TMBIM6: variants seen among roughly 807,000 people sequenced by gnomAD.
TMBIM6 encodes the protein transmembrane BAX inhibitor motif containing 6, also known as bax inhibitor 1.
A neutral mutation model predicts 31.4 loss-of-function variants in TMBIM6; 13 were observed. The observed-to-expected ratio is 0.41, with a 90% CI of 0.27 to 0.66. The LOEUF is 0.66. Ranked by LOEUF, TMBIM6 falls within the 30% of genes least tolerant of loss-of-function variation. The probability of loss-of-function intolerance (pLI) is 0.28; values close to 1 mark genes in which losing one functional copy is unlikely to be tolerated. For synonymous variants in TMBIM6, 85 were observed against 101.7 expected, an observed-to-expected ratio of 0.84 and a Z score of 0.99; for missense variants, 275 against 289.5, an observed-to-expected ratio of 0.95 and a Z score of 0.36.
At chr12:49,755,802 A>C in intron 4 of TMBIM6, 47 bp downstream of exon 4, 1 of 1,577,404 alleles carries the variant, frequency 6.3e-7, no homozygotes, top group Non-Finnish European at 8.6e-7. Flanking sequence ...CTATATTTTC[A>C]GTATCTCTTA....
At chr12:49,760,828 C>T (rs772486622) in intron 8 of TMBIM6, among the ~76,000 whole-genome samples, 5 of 151,814 alleles carry the variant, frequency 3.3e-5, no homozygotes, top group African/African-American at 4.8e-5. Context: ...AGACATGGGC[C>T]ACCATGCCCA....
At chr12:49,752,382 A>T in intron 1 of TMBIM6, 82 bp from the exon 2 acceptor site, 1 of 998,060 alleles carries the variant, frequency 1.0e-6, no homozygotes, top group Non-Finnish European at 1.5e-6. Flanking sequence ...TTCTGAACTT[A>T]CATGTTGCTT....
intron 7 of TMBIM6, 151 bp from the exon 8 acceptor site, chr12:49,759,070 C>A: frequency 1.5e-6 from 1 of 682,800 alleles, no homozygotes; most frequent in Non-Finnish European, 2.5e-6. Flanking sequence ...GTAAAGTGGT[C>A]TTCACCCTAG....
Position 49,762,939 on chromosome 12 carries a change from A to G in TMBIM6, c.*43A>G, listed in dbSNP as rs774227524. On this transcript the variant is annotated 3_prime_UTR_variant, in exon 10 of 10. Coordinates refer to ENST00000267115, the MANE Select transcript of TMBIM6 (RefSeq NM_003217.3). The stretch of plus-strand genomic sequence containing the variant: ...TCCCAATTAGACTTCCTCTCCTTCC[A>G]CCCCTCATTTCCTTTTTGCACACAT... 2 of 1,598,942 alleles carry G rather than the reference A, an allele frequency of 1.3e-6. No individual in the cohort carries two copies. Among genetic ancestry groups the G allele is most frequent in the Non-Finnish European group, 1.7e-6 (2 of 1,167,858 alleles).
intron 1 of TMBIM6, among the ~76,000 whole-genome samples, chr12:49,745,914 A>G (rs746257835): frequency 6.6e-6 from 1 of 152,152 alleles, no homozygotes; most frequent in African/African-American, 2.4e-5. Context: ...GGCTTAAGCT[A>G]TAATGTTTGG....
Position 49,764,731 on chromosome 12 carries a change from A to G in TMBIM6, c.*1835A>G, listed in dbSNP as rs199875731. 5.8e-3 allele frequency: 879 copies of G among 152,036 alleles called. 32 individuals carry two copies. The East Asian group carries it at 0.095, about 16-fold the overall frequency. 9.4% of individuals were successfully genotyped at this position (152,036 alleles called of 1,614,324 possible). A position where few individuals can be genotyped will look rare whatever the true frequency, so the allele number is the denominator to read the frequency against. On this transcript the variant is annotated 3_prime_UTR_variant, in exon 10 of 10. Transcript: ENST00000267115. ...ATATTAAAAAAAAAAAAGAAAGAAA[A>G]AAAAAAAAACACCTACTTTTAAAGA...
chr12:49,754,520 C>A lies in TMBIM6; in HGVS notation c.166-1115C>A, dbSNP rs975804889. Among the ~76,000 whole-genome samples, 27 of 152,124 alleles carry A rather than the reference C, an allele frequency of 1.8e-4. 1 individual carries two copies. The highest frequency in any genetic ancestry group is 2.9e-5 in the Non-Finnish European group (2 of 68,016). On this transcript the variant is annotated intron_variant, in intron 3 of 9. Coordinates refer to ENST00000267115, the MANE Select transcript of TMBIM6 (RefSeq NM_003217.3). The stretch of plus-strand genomic sequence containing the variant: ...ATATAAAAGCAAGGTATCTATTGAT[C>A]ATTTGATGAAAATGTTGTGACCTTA...
At chr12:49,758,570 AC>A in intron 6 of TMBIM6, 90 bp downstream of exon 6, 1 of 1,547,060 alleles carries the variant, frequency 6.5e-7, no homozygotes, top group Non-Finnish European at 8.9e-7. Context: ...CTCCTTTGCG[AC>A]TATTGAGTTG....
intron 1 of TMBIM6, among the ~76,000 whole-genome samples, chr12:49,744,729 A>G (rs981374986): frequency 1.1e-4 from 17 of 152,176 alleles, no homozygotes; most frequent in African/African-American, 3.6e-4. Context: ...GGAATCCAAA[A>G]CACGTGAAAA....
intron 1 of TMBIM6, chr12:49,741,862 T>G: frequency 1.1e-5 from 5 of 444,064 alleles, no homozygotes; most frequent in Non-Finnish European, 2.0e-5. Flanking sequence ...TTTTGGGGGG[T>G]GTCGAGGCCT....
intron 1 of TMBIM6, among the ~76,000 whole-genome samples, chr12:49,746,790 G>GA (rs1235151491): frequency 1.3e-5 from 2 of 148,658 alleles, no homozygotes; most frequent in Non-Finnish European, 3.0e-5. Flanking sequence ...AGAAGAAGAA[G>GA]AAAAAAAACT....
intron 1 of TMBIM6, 41 bp from the exon 2 acceptor site, chr12:49,752,423 T>G: frequency 7.0e-7 from 1 of 1,420,962 alleles, no homozygotes; most frequent in Non-Finnish European, 9.6e-7. Context: ...TTCGTGTGAT[T>G]CTGTATGACT....
intron 1 of TMBIM6, among the ~76,000 whole-genome samples, chr12:49,752,135 T>C (rs939722618): frequency 6.6e-6 from 1 of 152,200 alleles, no homozygotes; most frequent in Non-Finnish European, 1.5e-5. Context: ...CTAGGTTCCT[T>C]TAACTAGATT....
chr12:49,758,686 T>C lies in TMBIM6; in HGVS notation c.437T>C (p.Ile146Thr). The change falls in exon 7 of 10, where the codon ATC becomes ACC. Residue 146 changes from isoleucine (I) to threonine (T), a missense_variant. Ile to Thr is a moderately conservative substitution (Grantham distance 89). Transcript: ENST00000267115. Reference sequence around the variant, plus strand: ...AGCTTTTTGCTGTGTCTTATAGGTATCTTGATGTCAGCCCTGAGCTTGTTG... The same window carrying C: ...AGCTTTTTGCTGTGTCTTATAGGTACCTTGATGTCAGCCCTGAGCTTGTTG... ...RRRSYLFLGG[I>T]LMSALSLLLL... The C allele has an allele frequency of 2.5e-6, 4 of 1,614,220 alleles. No individual in the cohort carries two copies. The highest frequency in any genetic ancestry group is 3.4e-6 in the Non-Finnish European group (4 of 1,180,040).
intron 8 of TMBIM6, 123 bp downstream of exon 8, chr12:49,759,444 C>T: frequency 1.3e-6 from 1 of 753,432 alleles, no homozygotes; most frequent in Non-Finnish European, 2.3e-6. Flanking sequence ...TGGTAGGAAA[C>T]CCACGGTTTT....
chr12:49,747,230 T>A (rs1420137838), intron 1 of TMBIM6, among the ~76,000 whole-genome samples: 1 of 152,190 alleles, frequency 6.6e-6, no homozygotes, highest in Non-Finnish European at 1.5e-5. Context: ...GATGGTTGAA[T>A]TTATACAACA....
intron 8 of TMBIM6, among the ~76,000 whole-genome samples, chr12:49,760,027 G>A (rs1263523992): frequency 6.8e-6 from 1 of 146,998 alleles, no homozygotes; most frequent in Non-Finnish European, 1.5e-5. Context: ...CAGGAGAATG[G>A]TGTGAACCGG....
At chr12:49,760,693 C>T (rs865983446) in intron 8 of TMBIM6, among the ~76,000 whole-genome samples, 3 of 151,842 alleles carry the variant, frequency 2.0e-5, no homozygotes, top group Middle Eastern at 3.2e-3. Context: ...CTCTCCACCA[C>T]GTCCAGCTAA....
intron 4 of TMBIM6, among the ~76,000 whole-genome samples, chr12:49,755,979 A>T (rs1169716893): frequency 6.6e-6 from 1 of 151,562 alleles, no homozygotes; most frequent in African/African-American, 2.4e-5. Context: ...GACCACAGGC[A>T]CCTGCCACCA....
Sources: gnomAD v4.1 joint callset for allele counts (sites outside exome capture counted in the v4.1 genomes callset) on GRCh38, gnomAD v4.1.1 for gene constraint, MANE v1.5 for transcripts, NCBI Gene and HGNC (gene_info 2026-07-23, HGNC 2026-07-21) for gene names.